CLEC16A: variants seen among roughly 807,000 people sequenced by gnomAD.
CLEC16A encodes the protein C-type lectin domain containing 16A, also known as protein CLEC16A.
In CLEC16A, 51 loss-of-function variants were observed where a neutral mutation model predicts 109.5. That is an observed-to-expected ratio of 0.47 (90% CI 0.37 to 0.59). The LOEUF is 0.59. Ranked by LOEUF, CLEC16A falls within the 20% of genes least tolerant of loss-of-function variation. The probability of loss-of-function intolerance (pLI) is 0.00; values close to 1 mark genes in which losing one functional copy is unlikely to be tolerated. For missense variants in CLEC16A, 1,339 were observed against 1,394.0 expected, an observed-to-expected ratio of 0.96 and a Z score of 0.63; for synonymous variants, 673 against 564.2, an observed-to-expected ratio of 1.19 and a Z score of -2.73.
At chr16:11,103,054 G>T (rs545419116) in intron 19 of CLEC16A, among the ~76,000 whole-genome samples, 98 of 152,344 alleles carry the variant, frequency 6.4e-4, no homozygotes, top group Non-Finnish European at 1.2e-3. Context: ...GACACAGAGG[G>T]AGGGCCTGAG....
rs58091279 is a variant in CLEC16A, at chr16:10,990,410, C to T, written c.1071+7419C>T. ...AGTTGCGTCTCTCTGTTTCCTGGGG[C>T]AGAAGGTGGGCTGGACAACTGAGGA... On this transcript the variant is annotated intron_variant, in intron 10 of 23. Coordinates refer to ENST00000409790, the MANE Select transcript of CLEC16A (RefSeq NM_015226.3). 6.2e-3 allele frequency among the ~76,000 whole-genome samples: 946 copies of T among 152,316 alleles called. 4 individuals are homozygous for T. Among genetic ancestry groups the T allele is most frequent in the African/African-American group, 0.022 (915 of 41,572 alleles).
chr16:10,966,560 C>A (rs1482186725), intron 3 of CLEC16A, among the ~76,000 whole-genome samples: 1 of 152,140 alleles, frequency 6.6e-6, no homozygotes, highest in African/African-American at 2.4e-5. Context: ...GTAGATATAC[C>A]CGAGGCTGGG....
chr16:11,037,238 C>T (rs1001548204), intron 13 of CLEC16A, among the ~76,000 whole-genome samples: 2 of 152,224 alleles, frequency 1.3e-5, no homozygotes, highest in Non-Finnish European at 2.9e-5. Flanking sequence ...CTGTGTGCTC[C>T]TGGTGGGCTG....
At chr16:11,119,015 T>C (rs2052207628) in intron 19 of CLEC16A, among the ~76,000 whole-genome samples, 1 of 152,216 alleles carries the variant, frequency 6.6e-6, no homozygotes, top group South Asian at 2.1e-4. Flanking sequence ...TTTTTGTTAT[T>C]TTTTGAGACA....
intron 3 of CLEC16A, among the ~76,000 whole-genome samples, chr16:10,962,941 C>T (rs1272510204): frequency 6.6e-6 from 1 of 152,084 alleles, no homozygotes; most frequent in African/African-American, 2.4e-5. Flanking sequence ...CACATGTAGT[C>T]CCAGCTACTC....
intron 12 of CLEC16A, among the ~76,000 whole-genome samples, chr16:11,021,004 C>T (rs77885990): frequency 2.5e-3 from 384 of 152,322 alleles, no homozygotes; most frequent in Non-Finnish European, 4.4e-3. Flanking sequence ...ACTGCACAGA[C>T]CCCTGCAACA....
intron 19 of CLEC16A, among the ~76,000 whole-genome samples, chr16:11,117,759 T>C (rs2052106847): frequency 6.6e-6 from 1 of 152,226 alleles, no homozygotes; most frequent in Non-Finnish European, 1.5e-5. Context: ...TATATAATTT[T>C]GCATCTGGTG....
chr16:11,036,611 G>A (rs762375925), intron 13 of CLEC16A, among the ~76,000 whole-genome samples: 3 of 148,522 alleles, frequency 2.0e-5, no homozygotes, highest in Non-Finnish European at 4.4e-5. Context: ...CTGCAGTGGC[G>A]CAGTCTCAGC....
At chr16:10,957,932 T>C in intron 2 of CLEC16A, 22 bp downstream of exon 2, 1 of 1,608,574 alleles carries the variant, frequency 6.2e-7, no homozygotes, top group Non-Finnish European at 8.5e-7. Context: ...TAATGATTGC[T>C]GTTCTTTGAT....
At chr16:11,073,273 C>T (rs1342882102) in intron 19 of CLEC16A, among the ~76,000 whole-genome samples, 2 of 152,240 alleles carry the variant, frequency 1.3e-5, no homozygotes, top group East Asian at 1.9e-4. Context: ...TGGGGTCGCT[C>T]CACAGGTAGA....
intron 11 of CLEC16A, among the ~76,000 whole-genome samples, chr16:11,015,325 C>CG (rs2045680200): frequency 7.0e-6 from 1 of 143,228 alleles, no homozygotes; most frequent in Non-Finnish European, 1.5e-5. Context: ...AGATGTGACA[C>CG]GGGGGTTGGG....
At chr16:11,075,130 A>G (rs1394152561) in intron 19 of CLEC16A, among the ~76,000 whole-genome samples, 1 of 152,258 alleles carries the variant, frequency 6.6e-6, no homozygotes, top group African/African-American at 2.4e-5. Flanking sequence ...AAGGCACTCT[A>G]CAGTTGAAAT....
At chr16:11,072,064 A>C (rs1227664451) in intron 19 of CLEC16A, among the ~76,000 whole-genome samples, 1 of 152,108 alleles carries the variant, frequency 6.6e-6, no homozygotes, top group African/African-American at 2.4e-5. Context: ...AGAGCAGACA[A>C]ATGCAGCCCA....
At chr16:11,101,703 C>A (rs530299782) in intron 19 of CLEC16A, among the ~76,000 whole-genome samples, 1 of 152,198 alleles carries the variant, frequency 6.6e-6, no homozygotes, top group Non-Finnish European at 1.5e-5. Flanking sequence ...CTAGAAGATA[C>A]TCCATAAAAG....
intron 1 of CLEC16A, among the ~76,000 whole-genome samples, chr16:10,947,824 G>C (rs542800117): frequency 1.3e-5 from 2 of 152,228 alleles, no homozygotes; most frequent in South Asian, 4.2e-4. Flanking sequence ...GAGAGGGAAA[G>C]TTTAAGATAG....
chr16:11,072,016 C>T (rs1472140588), intron 19 of CLEC16A, among the ~76,000 whole-genome samples: 1 of 151,968 alleles, frequency 6.6e-6, no homozygotes, highest in Non-Finnish European at 1.5e-5. Flanking sequence ...TGGACTGATT[C>T]AGAAGATAAA....
chr16:11,165,190 A>C (rs575835279), intron 22 of CLEC16A, among the ~76,000 whole-genome samples: 22 of 152,230 alleles, frequency 1.4e-4, no homozygotes, highest in African/African-American at 4.1e-4. Flanking sequence ...GCTTTGATTT[A>C]TCGTAAAGAA....
chr16:11,121,748 C>A (rs1002852752), intron 20 of CLEC16A, among the ~76,000 whole-genome samples: 2 of 151,552 alleles, frequency 1.3e-5, no homozygotes, highest in African/African-American at 4.9e-5. Context: ...GGCATGATAG[C>A]AGGCACCTGT....
intron 3 of CLEC16A, 80 bp downstream of exon 3, chr16:10,962,668 C>T (rs887938252): frequency 4.4e-5 from 65 of 1,478,934 alleles, no homozygotes; most frequent in African/African-American, 1.4e-4. Flanking sequence ...TCTGTGTCTG[C>T]GCTTACTATT....
Sources: allele counts gnomAD v4.1 joint callset (sites outside exome capture counted in the v4.1 genomes callset), GRCh38; gene constraint gnomAD v4.1.1; transcripts MANE v1.5; gene names NCBI Gene and HGNC (gene_info 2026-07-23, HGNC 2026-07-21).